Variants in PAXBP1 observed in about 807,000 individuals in gnomAD.
PAXBP1 encodes the protein PAX3- and PAX7-binding protein 1.
Under a neutral mutation model 119.9 loss-of-function variants are expected in PAXBP1, and 44 were observed. The observed-to-expected ratio is 0.37, with a 90% CI of 0.29 to 0.47. The LOEUF (loss-of-function observed/expected upper bound fraction) is 0.47. Among genes scored for constraint, PAXBP1 ranks in the 20% least tolerant of loss-of-function variants. The pLI is 0.99. For missense variants in PAXBP1, 898 were observed against 1,134.1 expected, an observed-to-expected ratio of 0.79 and a Z score of 2.99; for synonymous variants, 393 against 406.6, an observed-to-expected ratio of 0.97 and a Z score of 0.40.
intron 8 of PAXBP1, chr21:32,751,817 T>C (rs952710692): frequency 1.3e-5 from 2 of 152,268 alleles, no homozygotes; most frequent in African/African-American, 2.4e-5. Context: ...AGTTTTATTT[T>C]ATTTTTTTGG....
Position 32,771,733 on chromosome 21 carries a change from G to A in PAXBP1, c.-65C>T. ...CCGCGGCCCCGGCAGCGCCGAGCTC[G>A]TGACGGCGCACGCGCGCTCTCCGGA... On this transcript the variant is annotated 5_prime_UTR_variant, in exon 1 of 18. In the 5' UTR this introduces an upstream ATG that the reference lacks. Coordinates refer to ENST00000331923, the MANE Select transcript of PAXBP1 (RefSeq NM_016631.4). 2 of 1,280,770 alleles carry A rather than the reference G, an allele frequency of 1.6e-6. No individual in the cohort carries two copies. The highest frequency in any genetic ancestry group is 2.0e-6 in the Non-Finnish European group (2 of 1,000,356). 79.3% of individuals were successfully genotyped at this position (1,280,770 alleles called of 1,614,324 possible).
chr21:32,741,018 CAAT>C (rs1468533913), intron 15 of PAXBP1, among the ~76,000 whole-genome samples: 2 of 152,166 alleles, frequency 1.3e-5, no homozygotes, highest in Non-Finnish European at 2.9e-5. Context: ...ATGAAAACCA[CAAT>C]GAGATACCAC....
intron 11 of PAXBP1, among the ~76,000 whole-genome samples, chr21:32,747,605 C>A (rs1002102337): frequency 1.3e-5 from 2 of 152,140 alleles, no homozygotes; most frequent in African/African-American, 4.8e-5. Flanking sequence ...TGGCATCAAC[C>A]TCAGCTCCCT....
In PAXBP1 at chr21:32,771,580, G is replaced by T. The variant is rs2044356229; in HGVS notation, c.89C>A (p.Pro30Gln). The change falls in exon 1 of 18, where the codon CCG becomes CAG. Residue 30 changes from proline to glutamine, a missense_variant. By Grantham distance (76) the Pro-to-Gln change is moderately conservative (BLOSUM62 -1). Coordinates refer to ENST00000331923, the MANE Select transcript of PAXBP1 (RefSeq NM_016631.4). ...ERERDEEQEPPPLLPPPGTGE... is the reference protein window; with the variant it reads ...ERERDEEQEPQPLLPPPGTGE... ...CGTGCCCGGCGGCGGCAACAACGGC[G>T]GCGGCTCCTGCTCCTCATCGCGTTC... The T allele has an allele frequency of 6.9e-7, 1 of 1,439,694 alleles. No homozygotes were observed. The highest frequency in any genetic ancestry group is 9.1e-7 in the Non-Finnish European group (1 of 1,100,372). The allele number at this position is 1,439,694 out of a possible 1,614,324, so 89.2% of individuals were successfully genotyped here.
chr21:32,748,433 C>T, intron 11 of PAXBP1, 66 bp downstream of exon 11: 1 of 1,493,136 alleles, frequency 6.7e-7, no homozygotes, highest in Non-Finnish European at 9.1e-7. Flanking sequence ...ACATCTCTAG[C>T]TTTGAGATTA....
intron 8 of PAXBP1, among the ~76,000 whole-genome samples, chr21:32,752,678 C>T (rs761474356): frequency 6.6e-5 from 10 of 152,164 alleles, no homozygotes; most frequent in African/African-American, 9.6e-5. Flanking sequence ...TTGCTCTTGT[C>T]GCCCAGAATG....
Position 32,745,698 on chromosome 21 carries a change from C to G in PAXBP1, c.1944G>C (p.Glu648Asp), listed in dbSNP as rs2043861490. 6.2e-7 allele frequency: 1 copy of G among 1,613,938 alleles called. No individual in the cohort carries two copies. Among genetic ancestry groups the G allele is most frequent in the Non-Finnish European group, 8.5e-7 (1 of 1,179,914 alleles). ...TPLEAKCRDF[E>D]NMLWFESLLF... ...GCAAAGATTCAAACCACAGCATATT[C>G]TCAAAGTCACGACATTTTGCCTAAA... The change falls in exon 12 of 18, where the codon GAG becomes GAC. Residue 648 changes from glutamate to aspartate, a missense_variant. Physicochemically the swap from Glu to Asp is conservative, Grantham distance 45. Transcript: ENST00000331923.
rs1280779189 is a variant in PAXBP1 at position 32,737,343 on chromosome 21, T to A, written c.2547A>T (p.Leu849Phe). 2 of 1,610,040 alleles carry A rather than the reference T, an allele frequency of 1.2e-6. No individual in the cohort carries two copies. The highest frequency in any genetic ancestry group is 2.2e-5 in the East Asian group (1 of 44,694). ...NLKGERTISQLENFCRYLVHL... is the reference protein window; with the variant it reads ...NLKGERTISQFENFCRYLVHL... Reference sequence around the variant, plus strand: ...GTACAAGGTATCGGCAAAAGTTTTCTAACTGAGAAATAGTCCTTTCTCCTT... The same window carrying A: ...GTACAAGGTATCGGCAAAAGTTTTCAAACTGAGAAATAGTCCTTTCTCCTT... The change falls in exon 17 of 18, where the codon TTA becomes TTT. Residue 849 changes from leucine to phenylalanine, a missense_variant. Leu to Phe is a conservative substitution (Grantham distance 22). This residue lies in a region of PAXBP1 where 599 missense variants were observed against 852.7 expected (regional missense o/e 0.70). Transcript: ENST00000331923.
At chr21:32,739,672 T>G (rs1601582850) in intron 15 of PAXBP1, among the ~76,000 whole-genome samples, 1 of 151,838 alleles carries the variant, frequency 6.6e-6, no homozygotes, top group Non-Finnish European at 1.5e-5. Context: ...TTTGGGAGGC[T>G]GAGGCGGGCA....
rs1035734312 is a variant in PAXBP1, at chr21:32,759,632, G to A, written c.1193+145C>T. 59 of 733,800 alleles carry A rather than the reference G, an allele frequency of 8.0e-5. No individual in the cohort carries two copies. The East Asian group carries it at 1.5e-3, about 18-fold the overall frequency. The allele number at this position is 733,800 out of a possible 1,614,324, so 45.5% of individuals were successfully genotyped here. ...TAATCCAAGAAGGTAGCAGAACAAAGTATGAAGTCATCTTCTGTTTAGCTT... is the reference window on the plus strand; with the variant it reads ...TAATCCAAGAAGGTAGCAGAACAAAATATGAAGTCATCTTCTGTTTAGCTT... On this transcript the variant is annotated intron_variant, in intron 6 of 17. Transcript: ENST00000331923.
intron 7 of PAXBP1, among the ~76,000 whole-genome samples, chr21:32,758,733 T>C (rs1196364668): frequency 6.6e-6 from 1 of 151,834 alleles, no homozygotes; most frequent in East Asian, 1.9e-4. Flanking sequence ...AAAATAAGTT[T>C]AAACCTGAAC....
chr21:32,741,036 C>T (rs2043775467), intron 15 of PAXBP1, among the ~76,000 whole-genome samples: 1 of 152,170 alleles, frequency 6.6e-6, no homozygotes, highest in Non-Finnish European at 1.5e-5. Context: ...TACCACATTG[C>T]ACCCTGTAGA....
At chr21:32,764,269 C>T (rs2044201045) in intron 3 of PAXBP1, 79 bp downstream of exon 3, 1 of 1,381,590 alleles carries the variant, frequency 7.2e-7, no homozygotes, top group Admixed American at 2.2e-5. Context: ...TCAGCTAATT[C>T]CTTCTTAATA....
At chr21:32,760,759 C>T (rs935953552) in intron 5 of PAXBP1, among the ~76,000 whole-genome samples, 16 of 151,984 alleles carry the variant, frequency 1.1e-4, no homozygotes, top group African/African-American at 3.6e-4. Context: ...AATGAGCTAC[C>T]GGGTAATGCT....
At chr21:32,758,813 C>T (rs2044087019) in intron 7 of PAXBP1, among the ~76,000 whole-genome samples, 5 of 152,088 alleles carry the variant, frequency 3.3e-5, no homozygotes, top group Admixed American at 3.3e-4. Context: ...TAATAATCTA[C>T]CACCATATTG....
intron 7 of PAXBP1, chr21:32,756,580 T>A: frequency 3.9e-6 from 1 of 259,324 alleles, no homozygotes; most frequent in South Asian, 3.7e-5. Flanking sequence ...GTCCAGAGAC[T>A]CTATCATTAA....
chr21:32,751,380 A>G, intron 8 of PAXBP1, 162 bp from the exon 9 acceptor site: 2 of 562,738 alleles, frequency 3.6e-6, no homozygotes, highest in South Asian at 5.0e-5. Flanking sequence ...AACAAATTTC[A>G]TTATTATTCT....
In PAXBP1 at chr21:32,759,084, T is replaced by C. The variant is rs1380092853; in HGVS notation, c.1379A>G (p.Glu460Gly). ...YVQDLLECFSEKVPLINELES... is the reference protein window; with the variant it reads ...YVQDLLECFSGKVPLINELES... Reference sequence around the variant, plus strand: ...TTAGTATTTTTGCATTCTTACCTTTTCACTGAAACACTCAAGCAAGTCTTG... The same window carrying C: ...TTAGTATTTTTGCATTCTTACCTTTCCACTGAAACACTCAAGCAAGTCTTG... The change falls in exon 7 of 18, where the codon GAA becomes GGA. Residue 460 changes from glutamate to glycine, a missense_variant. By Grantham distance (98) the Glu-to-Gly change is moderately conservative. This residue lies in a region of PAXBP1 where 599 missense variants were observed against 852.7 expected (regional missense o/e 0.70). Transcript: ENST00000331923. 1 of 1,613,474 alleles carries C rather than the reference T, an allele frequency of 6.2e-7. No individual in the cohort carries two copies. The highest frequency in any genetic ancestry group is 1.3e-5 in the African/African-American group (1 of 74,916).
intron 2 of PAXBP1, 89 bp downstream of exon 2, chr21:32,769,725 G>C: frequency 7.1e-7 from 1 of 1,407,292 alleles, no homozygotes; most frequent in Non-Finnish European, 9.7e-7. Context: ...AGGGTCCACT[G>C]AATGAGTTCA....
Sources: allele counts gnomAD v4.1 joint callset (sites outside exome capture counted in the v4.1 genomes callset), GRCh38; gene constraint gnomAD v4.1.1; regional missense constraint gnomAD v4.1.1; transcripts MANE v1.5; gene names NCBI Gene and HGNC (gene_info 2026-07-23, HGNC 2026-07-21).